KDM1A: variants seen among roughly 807,000 people sequenced by gnomAD.
The protein encoded by KDM1A is lysine demethylase 1A.
KDM1A carries 49 observed loss-of-function variants against 109.4 expected under a neutral mutation model. That is an observed-to-expected ratio of 0.45 (90% CI 0.36 to 0.57). The LOEUF is 0.57. Among genes scored for constraint, KDM1A ranks in the 20% least tolerant of loss-of-function variants. KDM1A has a pLI of 0.00. For synonymous variants in KDM1A, 380 were observed against 415.4 expected (o/e 0.91, Z 1.04); for missense variants, 668 against 1,116.6 (o/e 0.60, Z 5.73).
Position 23,053,812 on chromosome 1 carries a change from C to G in KDM1A, c.763C>G (p.Leu255Val). The change falls in exon 5 of 21, where the codon CTC (leucine) becomes GTC (valine). Residue 255 changes from leucine to valine, a missense_variant. Leu to Val is a conservative substitution (Grantham distance 32). Around this residue, in one of 8 missense-constraint regions of KDM1A, gnomAD observed 149 missense variants for 189.7 expected, o/e 0.79. Transcript: ENST00000400181. ...PKIQLTFEATLQQLEAPYNSD... is the reference protein window; with the variant it reads ...PKIQLTFEATVQQLEAPYNSD... ...GATTCAGCTGACATTTGAGGCTACT[C>G]TCCAACAATTAGAAGCACCTTATAA... 1 of 1,607,072 alleles carries G rather than the reference C, an allele frequency of 6.2e-7. No individual in the cohort carries two copies. The highest frequency in any genetic ancestry group is 8.5e-7 in the Non-Finnish European group (1 of 1,173,704).
intron 2 of KDM1A, among the ~76,000 whole-genome samples, chr1:23,031,876 C>G (rs1301504298): frequency 6.6e-6 from 1 of 152,136 alleles, no homozygotes; most frequent in Non-Finnish European, 1.5e-5. Context: ...TGGGCAACTC[C>G]TTGTTTGAAG....
chr1:23,074,776 T>C (rs988202286), intron 15 of KDM1A, among the ~76,000 whole-genome samples: 1 of 152,228 alleles, frequency 6.6e-6, no homozygotes, highest in Non-Finnish European at 1.5e-5. Flanking sequence ...CATATAGTTA[T>C]GTAATTATTA....
Position 23,050,382 on chromosome 1 carries a change from G to C in KDM1A, c.578-5G>C. The C allele has an allele frequency of 1.3e-6, 2 of 1,598,130 alleles. No individual in the cohort carries two copies. The highest frequency in any genetic ancestry group is 1.7e-6 in the Non-Finnish European group (2 of 1,174,334). On this transcript the variant is annotated splice_polypyrimidine_tract_variant and splice_region_variant and intron_variant, in intron 3 of 20. Coordinates refer to ENST00000400181, the MANE Select transcript of KDM1A (RefSeq NM_001009999.3). Reference sequence around the variant, plus strand: ...TTCCTAGATGTCCTTTGCTTTCTTCGTTAGGTGTGGAGGGCGCAGCTTTCC... The same window carrying C: ...TTCCTAGATGTCCTTTGCTTTCTTCCTTAGGTGTGGAGGGCGCAGCTTTCC...
In KDM1A at chr1:23,053,761, C is replaced by T; in HGVS notation, c.712C>T (p.Leu238=). The change falls in exon 5 of 21, where the codon CTG becomes TTG. Residue 238 remains leucine (L), a splice_region_variant and synonymous_variant. Transcript: ENST00000400181. Reference sequence around the variant, plus strand: ...TACAATTTATGTCATTTAAATGCAGCTGCAGTTGTGGTTGGATAATCCAAA... The same window carrying T: ...TACAATTTATGTCATTTAAATGCAGTTGCAGTTGTGGTTGGATAATCCAAA... ...KVFLFIRNRT[L]QLWLDNPKIQ... 6.3e-7 allele frequency: 1 copy of T among 1,593,398 alleles called. No homozygotes were observed.
intron 6 of KDM1A, 44 bp downstream of exon 6, chr1:23,055,205 T>TAGA (rs756940725): frequency 8.1e-7 from 1 of 1,227,884 alleles, no homozygotes; most frequent in Non-Finnish European, 1.2e-6. Flanking sequence ...ATTTTTAAGT[T>TAGA]ACGGTTTCAG....
chr1:23,077,355 C>T lies in KDM1A; in HGVS notation c.1862C>T (p.Ala621Val). 1 of 1,611,906 alleles carries T rather than the reference C, an allele frequency of 6.2e-7. No homozygotes were observed. Among genetic ancestry groups the T allele is most frequent in the Non-Finnish European group, 8.5e-7 (1 of 1,178,614 alleles). Reference sequence around the variant, plus strand: ...GCAGTGCGACAGGTTCGCTACACGGCTTCAGGTATGTCACTGCTTTACAAA... The same window carrying T: ...GCAGTGCGACAGGTTCGCTACACGGTTTCAGGTATGTCACTGCTTTACAAA... ...NTAVRQVRYT[A>V]SGCEVIAVNT... Residue 621 changes from alanine to valine, a missense_variant, in exon 16 of 21, where the codon GCT becomes GTT. Ala to Val is a moderately conservative substitution (Grantham distance 64). Coordinates refer to ENST00000400181, the MANE Select transcript of KDM1A (RefSeq NM_001009999.3).
Position 23,083,647 on chromosome 1 carries a change from GTTT to G in KDM1A, c.*291_*293del, listed in dbSNP as rs1178609386. 5.1e-6 allele frequency: 1 copy of G among 197,470 alleles called. No individual in the cohort carries two copies. Among genetic ancestry groups the G allele is most frequent in the African/African-American group, 2.4e-5 (1 of 42,218 alleles). The allele number at this position is 197,470 out of a possible 1,614,324, so 12.2% of individuals were successfully genotyped here. A position where few individuals can be genotyped will look rare whatever the true frequency, so the allele number is the denominator to read the frequency against. On this transcript the variant is annotated 3_prime_UTR_variant, in exon 21 of 21. Transcript: ENST00000400181. ...TAGTCCCTTGGTGTGTGGGGTTTTT[GTTT>G]TTTTTTTATATTTTGAGAATAAAAC...
At chr1:23,065,538 G>C (rs1557574077) in intron 9 of KDM1A, among the ~76,000 whole-genome samples, 1 of 152,182 alleles carries the variant, frequency 6.6e-6, no homozygotes, top group Non-Finnish European at 1.5e-5. Context: ...GGCTGCACTT[G>C]CAACATTCCT....
chr1:23,050,420 C>T lies in KDM1A; in HGVS notation c.611C>T (p.Pro204Leu). 1 of 1,613,334 alleles carries T rather than the reference C, an allele frequency of 6.2e-7. No homozygotes were observed. The highest frequency in any genetic ancestry group is 8.5e-7 in the Non-Finnish European group (1 of 1,179,582). ...GGCGCAGCTTTCCAGAGCCGACTTC[C>T]TCATGACCGGATGACTTCTCAAGAA... ...VEGAAFQSRL[P>L]HDRMTSQEAA... Residue 204 changes from proline (P) to leucine (L), a missense_variant, in exon 4 of 21, where the codon CCT becomes CTT. By Grantham distance (98) the Pro-to-Leu change is moderately conservative (BLOSUM62 -3). Around this residue, in one of 8 missense-constraint regions of KDM1A, gnomAD observed 149 missense variants for 189.7 expected, o/e 0.79. Transcript: ENST00000400181.
chr1:23,079,690 CT>C lies in KDM1A; in HGVS notation c.2170+27del. ...AAGGTAAATGCCTTCTAATTTTAATCTTTTCCATATCCTTACAGGAATATAG... is the reference window on the plus strand; with the variant it reads ...AAGGTAAATGCCTTCTAATTTTAATCTTTCCATATCCTTACAGGAATATAG... On this transcript the variant is annotated intron_variant, in intron 18 of 20. Coordinates refer to ENST00000400181, the MANE Select transcript of KDM1A (RefSeq NM_001009999.3). This position sits in a 1 kb window ranked among gnomAD's most constrained non-coding sequence, Gnocchi z 5.6. 6.9e-7 allele frequency: 1 copy of C among 1,440,576 alleles called. No homozygotes were observed. The highest frequency in any genetic ancestry group is 9.6e-7 in the Non-Finnish European group (1 of 1,037,886). The allele number at this position is 1,440,576 out of a possible 1,614,324, so 89.2% of individuals were successfully genotyped here.
intron 10 of KDM1A, 27 bp downstream of exon 10, chr1:23,066,098 AT>A: frequency 6.8e-7 from 1 of 1,474,642 alleles, no homozygotes. Flanking sequence ...TTTTCAAATC[AT>A]TTTCCTCACT....
At chr1:23,080,462 C>T (rs1041264388) in intron 18 of KDM1A, among the ~76,000 whole-genome samples, 2 of 152,200 alleles carry the variant, frequency 1.3e-5, no homozygotes, top group South Asian at 2.1e-4. Flanking sequence ...GTTGCCTGGA[C>T]GGTTACCAAT....
At chr1:23,070,029 G>A (rs1643272135) in intron 12 of KDM1A, among the ~76,000 whole-genome samples, 1 of 152,246 alleles carries the variant, frequency 6.6e-6, no homozygotes, top group South Asian at 2.1e-4. Flanking sequence ...AGTCTTCATG[G>A]ATTGTGGTAA....
At chr1:23,052,757 T>C (rs7529938) in intron 4 of KDM1A, among the ~76,000 whole-genome samples, 6,462 of 152,248 alleles carry the variant, frequency 0.042, 461 homozygotes, top group African/African-American at 0.15. Context: ...CTCCTGCCTC[T>C]CTGGGTGTCT....
chr1:23,029,155 A>G (rs1336220660), intron 1 of KDM1A, among the ~76,000 whole-genome samples: 1 of 152,198 alleles, frequency 6.6e-6, no homozygotes, highest in African/African-American at 2.4e-5. Flanking sequence ...AGACAGTATA[A>G]AAACAGCTGG....
At chr1:23,044,111 C>T (rs994605178) in intron 2 of KDM1A, among the ~76,000 whole-genome samples, 3 of 152,104 alleles carry the variant, frequency 2.0e-5, no homozygotes, top group East Asian at 3.8e-4. Context: ...AAAAGACACT[C>T]GGAATCCATT....
rs1298142348 is a variant in KDM1A at position 23,034,047 on chromosome 1, G to A, written c.517+3413G>A. Among the ~76,000 whole-genome samples the A allele has an allele frequency of 2.0e-5, 3 of 151,972 alleles. No homozygotes were observed. In the East Asian group the frequency reaches 5.8e-4, roughly 29 times the overall value. ...ATTGCACTTATATAATTGGAAGGAA[G>A]TTCTCTCTGTTGACCTAAATATTGT... On this transcript the variant is annotated intron_variant, in intron 2 of 20. Coordinates refer to ENST00000400181, the MANE Select transcript of KDM1A (RefSeq NM_001009999.3).
chr1:23,062,808 GATATA>G (rs1157127796), intron 9 of KDM1A, among the ~76,000 whole-genome samples: 4 of 152,092 alleles, frequency 2.6e-5, no homozygotes, highest in Admixed American at 1.3e-4. Flanking sequence ...ATAATATAAA[GATATA>G]ATATAGGGAT....
intron 2 of KDM1A, among the ~76,000 whole-genome samples, chr1:23,042,351 A>G (rs1642360964): frequency 1.3e-5 from 2 of 151,362 alleles, no homozygotes; most frequent in Non-Finnish European, 2.9e-5. Flanking sequence ...TTCTTGCCCA[A>G]ATAAAATTCA....
Sources: allele counts gnomAD v4.1 joint callset (sites outside exome capture counted in the v4.1 genomes callset), GRCh38; gene constraint gnomAD v4.1.1; regional missense constraint gnomAD v4.1.1; non-coding constraint Gnocchi (gnomAD v3.1); transcripts MANE v1.5; gene names NCBI Gene and HGNC (gene_info 2026-07-23, HGNC 2026-07-21).